Variants in ZEB2 observed in about 807,000 individuals in gnomAD.
The protein encoded by ZEB2 is zinc finger E-box binding homeobox 2.
ZEB2 carries 6 observed loss-of-function variants against 99.9 expected under a neutral mutation model. The ratio of observed to expected loss-of-function variants is 0.06; its 90% CI spans 0.03 to 0.12. The LOEUF is 0.12. Among genes scored for constraint, ZEB2 ranks in the 10% least tolerant of loss-of-function variants. The probability of loss-of-function intolerance (pLI) is 1.00; values close to 1 mark genes in which losing one functional copy is unlikely to be tolerated. For synonymous variants in ZEB2, 517 were observed against 542.5 expected (o/e 0.95, Z 0.65); for missense variants, 969 against 1,502.8 (o/e 0.64, Z 5.87).
Position 144,399,860 on chromosome 2 carries a change from T to C in ZEB2, c.1327A>G (p.Met443Val), listed in dbSNP as rs763297068. The C allele has an allele frequency of 3.7e-6, 6 of 1,614,216 alleles. No individual in the cohort carries two copies. Among genetic ancestry groups the C allele is most frequent in the Non-Finnish European group, 5.1e-6 (6 of 1,180,034 alleles). ...GGAAACCCAAGTAAAGGGGCTTCCA[T>C]CCCTACACCTAAGTGCTGCATTGGA... is the stretch of plus-strand genomic sequence containing the variant. Reference protein sequence around the residue: ...QSPMQHLGVGMEAPLLGFPTM... With the variant: ...QSPMQHLGVGVEAPLLGFPTM... Residue 443 changes from methionine to valine, a missense_variant, in exon 8 of 10, where the codon ATG becomes GTG. This residue lies in a region of ZEB2 where 227 missense variants were observed against 278.2 expected (regional missense o/e 0.82). Coordinates refer to ENST00000627532, the MANE Select transcript of ZEB2 (RefSeq NM_014795.4). The surrounding 1 kb of genome is among the most constrained non-coding windows in gnomAD (Gnocchi z 5.6).
chr2:144,517,407 A>G lies in ZEB2; in HGVS notation c.-57T>C. 1 of 1,598,934 alleles carries G rather than the reference A, an allele frequency of 6.3e-7. No homozygotes were observed. The highest frequency in any genetic ancestry group is 1.1e-5 in the South Asian group (1 of 90,784). On this transcript the variant is annotated 5_prime_UTR_variant, in exon 2 of 10. Coordinates refer to ENST00000627532, the MANE Select transcript of ZEB2 (RefSeq NM_014795.4). ...GGACTCGGCGCCCTGCTTCGGCAGC[A>G]CGCAGGCTCGATCTAGCAACCAAAC...
At chr2:144,513,413 C>G (rs1033400840) in intron 2 of ZEB2, 15 of 1,387,748 alleles carry the variant, frequency 1.1e-5, no homozygotes, top group Non-Finnish European at 1.4e-5. Flanking sequence ...TGTCCCCAAC[C>G]CTTTAGTGGA....
chr2:144,417,743 T>C (rs747425381), intron 4 of ZEB2, among the ~76,000 whole-genome samples: 13 of 152,058 alleles, frequency 8.5e-5, no homozygotes, highest in Admixed American at 2.6e-4. Flanking sequence ...TACAGTTAGA[T>C]AGGAGAAATA....
chr2:144,398,569 T>C lies in ZEB2; in HGVS notation c.2618A>G (p.Asn873Ser), dbSNP rs1703262061. ...TFIKKEFSNS[N>S]NLDNKSTNPV... ...GTTAGTGCTTTTGTTGTCCAGATTA[T>C]TTGAATTTGAAAATTCCTTCTTGAT... Residue 873 changes from asparagine (N) to serine (S), a missense_variant, in exon 8 of 10, where the codon AAT (asparagine) becomes AGT (serine). Physicochemically the swap from Asn to Ser is conservative, Grantham distance 46 (BLOSUM62 1). Transcript: ENST00000627532. 1 of 1,614,068 alleles carries C rather than the reference T, an allele frequency of 6.2e-7. No individual in the cohort carries two copies. Among genetic ancestry groups the C allele is most frequent in the African/African-American group, 1.3e-5 (1 of 74,944 alleles).
At chr2:144,409,599 T>C (rs763468218) in intron 4 of ZEB2, among the ~76,000 whole-genome samples, 6 of 152,266 alleles carry the variant, frequency 3.9e-5, no homozygotes, top group Middle Eastern at 3.4e-3. Flanking sequence ...TCTCCAGAGA[T>C]TTTGCATTTA....
At position 144,403,788 on chromosome 2, in the gene ZEB2, A is replaced by G. The variant is rs374580516; in HGVS notation, c.807+128T>C. The G allele has an allele frequency of 3.7e-5, 44 of 1,177,226 alleles. No homozygotes were observed. The African/African-American group carries it at 5.8e-4, about 15-fold the overall frequency. 72.9% of individuals were successfully genotyped at this position (1,177,226 alleles called of 1,614,324 possible). A position where few individuals can be genotyped will look rare whatever the true frequency, so the allele number is the denominator to read the frequency against. ...AAAAAATCATTTAGACCTCAATTAA[A>G]GCTATTACCATTAAAAGATCTGCAT... On this transcript the variant is annotated intron_variant, in intron 6 of 9. Transcript: ENST00000627532.
At chr2:144,457,407 T>C (rs189195181) in intron 2 of ZEB2, among the ~76,000 whole-genome samples, 117 of 152,322 alleles carry the variant, frequency 7.7e-4, no homozygotes, top group Non-Finnish European at 1.4e-3. Context: ...ATCTGTGCTC[T>C]CTTCATCACC....
intron 4 of ZEB2, among the ~76,000 whole-genome samples, chr2:144,419,255 A>G (rs1271667607): frequency 1.3e-5 from 2 of 152,216 alleles, no homozygotes; most frequent in Admixed American, 6.5e-5. Flanking sequence ...ACTGGAAACA[A>G]GTTTGACTAT....
At chr2:144,436,051 A>G (rs969163073) in intron 2 of ZEB2, among the ~76,000 whole-genome samples, 2 of 152,106 alleles carry the variant, frequency 1.3e-5, no homozygotes, top group Non-Finnish European at 1.5e-5. Context: ...AATACGTATT[A>G]CAAGGCAAAG....
intron 2 of ZEB2, among the ~76,000 whole-genome samples, chr2:144,458,077 T>C (rs1215118540): frequency 1.3e-5 from 2 of 152,014 alleles, no homozygotes; most frequent in Non-Finnish European, 2.9e-5. Context: ...TGGGCCTCAA[T>C]TGCCTATATT....
intron 2 of ZEB2, among the ~76,000 whole-genome samples, chr2:144,487,965 C>T (rs1241493023): frequency 2.0e-5 from 3 of 152,138 alleles, no homozygotes; most frequent in South Asian, 2.1e-4. Context: ...AAGCAAAACA[C>T]CTGACATGAA....
chr2:144,506,146 A>G (rs2149927949), intron 2 of ZEB2, among the ~76,000 whole-genome samples: 1 of 152,312 alleles, frequency 6.6e-6, no homozygotes. Flanking sequence ...TTTCCCCCCT[A>G]CAATAAATCC....
At chr2:144,415,607 C>A (rs1379492489) in intron 4 of ZEB2, among the ~76,000 whole-genome samples, 1 of 152,178 alleles carries the variant, frequency 6.6e-6, no homozygotes, top group Non-Finnish European at 1.5e-5. Context: ...ACTCACAGAA[C>A]AAAGAGGAAG....
At chr2:144,396,960 T>G (rs552379187) in intron 8 of ZEB2, among the ~76,000 whole-genome samples, 31 of 152,304 alleles carry the variant, frequency 2.0e-4, no homozygotes, top group African/African-American at 7.2e-4. Context: ...TGCTTAACTT[T>G]AGAAATGATC....
At chr2:144,517,784 C>G (rs1705186899) in intron 1 of ZEB2, 1 of 676,882 alleles carries the variant, frequency 1.5e-6, no homozygotes, top group East Asian at 2.7e-5. Context: ...GGCTCGGGAA[C>G]TTGGGGTGAG....
intron 7 of ZEB2, among the ~76,000 whole-genome samples, chr2:144,400,750 T>C (rs1417870727): frequency 6.6e-6 from 1 of 152,180 alleles, no homozygotes; most frequent in Admixed American, 6.5e-5. Context: ...GAAATCTCAG[T>C]GGTAGGATTC....
rs1388760067 is a variant in ZEB2 at position 144,386,720 on chromosome 2, C to A, written c.*2731G>T. ...GCCACAGGGATTTATTCTACCCGGA[C>A]AAAATTTAATGGCTTGATATTTTCA... On this transcript the variant is annotated 3_prime_UTR_variant, in exon 10 of 10. Coordinates refer to ENST00000627532, the MANE Select transcript of ZEB2 (RefSeq NM_014795.4). The A allele has an allele frequency of 6.6e-6, 1 of 152,012 alleles. No homozygotes were observed. The highest frequency in any genetic ancestry group is 2.4e-5 in the African/African-American group (1 of 41,394). The allele number at this position is 152,012 out of a possible 1,614,324, so 9.4% of individuals were successfully genotyped here.
chr2:144,392,375 G>A (rs1174830455), intron 9 of ZEB2, among the ~76,000 whole-genome samples: 1 of 152,216 alleles, frequency 6.6e-6, no homozygotes, highest in Non-Finnish European at 1.5e-5. Context: ...CTCTGTTATA[G>A]GTTTCAAGGC....
chr2:144,420,523 A>C (rs1370849737), intron 4 of ZEB2, among the ~76,000 whole-genome samples: 1 of 152,226 alleles, frequency 6.6e-6, no homozygotes, highest in African/African-American at 2.4e-5. Flanking sequence ...TGTCTTCATG[A>C]AATTGACTAC....
Sources: gnomAD v4.1 joint callset for allele counts (sites outside exome capture counted in the v4.1 genomes callset) on GRCh38, gnomAD v4.1.1 for gene constraint, gnomAD v4.1.1 regional missense constraint, Gnocchi (gnomAD v3.1) non-coding constraint, MANE v1.5 for transcripts, NCBI Gene and HGNC (gene_info 2026-07-23, HGNC 2026-07-21) for gene names.